Variants in CSMD1 observed in about 807,000 individuals in gnomAD.
The protein encoded by CSMD1 is CUB and sushi domain-containing protein 1.
Under a neutral mutation model 417.5 loss-of-function variants are expected in CSMD1, and 213 were observed. The ratio of observed to expected loss-of-function variants is 0.51; its 90% confidence interval spans 0.46 to 0.57. CSMD1 has a LOEUF of 0.57. Ranked by LOEUF, CSMD1 falls within the 20% of genes least tolerant of loss-of-function variation. CSMD1 has a pLI of 0.00. For synonymous variants in CSMD1, 2,862 were observed against 1,736.8 expected (o/e 1.65, Z -16.11); for missense variants, 6,923 against 4,529.7 (o/e 1.53, Z -15.17).
chr8:4,751,470 G>C (rs570661859), intron 1 of CSMD1, among the ~76,000 whole-genome samples: 13 of 152,184 alleles, frequency 8.5e-5, no homozygotes, highest in Admixed American at 2.0e-4. Flanking sequence ...ACCCTAAATA[G>C]CATAAAAAGT....
At chr8:4,601,373 G>C (rs1200189516) in intron 2 of CSMD1, among the ~76,000 whole-genome samples, 1 of 152,164 alleles carries the variant, frequency 6.6e-6, no homozygotes, top group African/African-American at 2.4e-5. Context: ...TGAAGTGTCT[G>C]TTATCATGGC....
chr8:3,602,935 A>C (rs1176313260), intron 8 of CSMD1, among the ~76,000 whole-genome samples: 1 of 152,222 alleles, frequency 6.6e-6, no homozygotes, highest in East Asian at 1.9e-4. Context: ...AAGACTATTT[A>C]AATGTGTATT....
At chr8:4,261,743 G>T (rs556051423) in intron 3 of CSMD1, among the ~76,000 whole-genome samples, 1 of 151,994 alleles carries the variant, frequency 6.6e-6, no homozygotes, top group East Asian at 1.9e-4. Flanking sequence ...ATCACACACA[G>T]AAAAATGTTT....
intron 1 of CSMD1, among the ~76,000 whole-genome samples, chr8:4,650,706 T>G (rs1317959952): frequency 1.3e-5 from 2 of 152,238 alleles, no homozygotes; most frequent in Non-Finnish European, 2.9e-5. Context: ...TGATTTTATT[T>G]TACTGATTTC....
chr8:4,960,642 T>A (rs1809413745), intron 1 of CSMD1, among the ~76,000 whole-genome samples: 2 of 152,158 alleles, frequency 1.3e-5, no homozygotes, highest in Admixed American at 6.6e-5. Flanking sequence ...CATCCATATA[T>A]CCATACATAT....
intron 5 of CSMD1, among the ~76,000 whole-genome samples, chr8:3,802,605 A>G (rs1179074738): frequency 1.3e-5 from 2 of 152,320 alleles, no homozygotes; most frequent in South Asian, 2.1e-4. Context: ...TAATTCACCA[A>G]CTGTTTATAT....
chr8:4,089,308 G>A (rs1355593324), intron 3 of CSMD1, among the ~76,000 whole-genome samples: 2 of 152,178 alleles, frequency 1.3e-5, no homozygotes, highest in Non-Finnish European at 2.9e-5. Context: ...ATGTTTGAAA[G>A]AAGAAAGAAG....
intron 1 of CSMD1, among the ~76,000 whole-genome samples, chr8:4,799,545 G>A (rs1345310655): frequency 7.5e-6 from 1 of 132,644 alleles, no homozygotes; most frequent in African/African-American, 2.9e-5. Flanking sequence ...GTTGCAGTGA[G>A]CTGAGATTGC....
intron 1 of CSMD1, among the ~76,000 whole-genome samples, chr8:4,793,815 A>C (rs1310130067): frequency 1.4e-5 from 2 of 141,072 alleles, no homozygotes; most frequent in Non-Finnish European, 3.1e-5. Flanking sequence ...TCTAGAAAGC[A>C]GGCCACAACC....
At chr8:3,571,181 A>C (rs1446473594) in intron 10 of CSMD1, among the ~76,000 whole-genome samples, 2 of 152,192 alleles carry the variant, frequency 1.3e-5, no homozygotes, top group Non-Finnish European at 2.9e-5. Context: ...AACGCCATCA[A>C]CAAGGCTTTC....
chr8:4,164,891 A>C (rs1005184424), intron 3 of CSMD1, among the ~76,000 whole-genome samples: 1 of 119,776 alleles, frequency 8.3e-6, no homozygotes, highest in Non-Finnish European at 1.7e-5. Flanking sequence ...AAAAAAAAAA[A>C]TATATATATA....
intron 9 of CSMD1, among the ~76,000 whole-genome samples, chr8:3,577,188 T>A (rs117397218): frequency 3.0e-4 from 45 of 152,298 alleles, no homozygotes; most frequent in Non-Finnish European, 5.9e-4. Flanking sequence ...AGCTGGCCCC[T>A]CACTTGGCTT....
intron 3 of CSMD1, among the ~76,000 whole-genome samples, chr8:4,281,804 T>C (rs185195393): frequency 1.4e-3 from 219 of 152,312 alleles, no homozygotes; most frequent in African/African-American, 4.8e-3. Flanking sequence ...CTTAATCTTA[T>C]TACATTGTAA....
At chr8:4,020,677 T>C (rs1796744681) in intron 4 of CSMD1, among the ~76,000 whole-genome samples, 2 of 152,236 alleles carry the variant, frequency 1.3e-5, no homozygotes, top group South Asian at 4.1e-4. Flanking sequence ...ATAACAAAGC[T>C]GTTTTCATTT....
At chr8:3,277,982 C>T (rs756781099) in intron 26 of CSMD1, among the ~76,000 whole-genome samples, 4 of 152,098 alleles carry the variant, frequency 2.6e-5, no homozygotes, top group Non-Finnish European at 4.4e-5. Context: ...CAGAAACCTT[C>T]GTGGGTATCT....
chr8:4,086,734 T>A (rs1014014972), intron 3 of CSMD1, among the ~76,000 whole-genome samples: 1 of 152,246 alleles, frequency 6.6e-6, no homozygotes, highest in Non-Finnish European at 1.5e-5. Context: ...TTGACAAGTA[T>A]TATTGAGTTT....
intron 31 of CSMD1, among the ~76,000 whole-genome samples, chr8:3,202,566 G>C (rs934412403): frequency 1.3e-5 from 2 of 152,094 alleles, no homozygotes; most frequent in African/African-American, 4.8e-5. Flanking sequence ...CTGTGATTTG[G>C]TATATACTTA....
chr8:3,041,643 TA>T (rs1811107641), intron 50 of CSMD1, among the ~76,000 whole-genome samples: 1 of 152,232 alleles, frequency 6.6e-6, no homozygotes, highest in African/African-American at 2.4e-5. Flanking sequence ...AACTCATACA[TA>T]GATAGAAATG....
chr8:4,154,389 A>G (rs905043890), intron 3 of CSMD1, among the ~76,000 whole-genome samples: 2 of 152,236 alleles, frequency 1.3e-5, no homozygotes, highest in African/African-American at 2.4e-5. Flanking sequence ...TCTCTAATCT[A>G]TTGTATAAGT....
Sources: allele counts gnomAD v4.1 joint callset (sites outside exome capture counted in the v4.1 genomes callset), GRCh38; gene constraint gnomAD v4.1.1; transcripts MANE v1.5; gene names NCBI Gene and HGNC (gene_info 2026-07-23, HGNC 2026-07-21).